The following TBC1D22A variants were observed in gnomAD, a reference collection of about 807,000 sequenced individuals.
TBC1D22A encodes the protein TBC1 domain family member 22A.
A neutral mutation model predicts 60.2 loss-of-function variants in TBC1D22A; 38 were observed. The ratio of observed to expected loss-of-function variants is 0.63; its 90% CI spans 0.49 to 0.83. The LOEUF is 0.83. TBC1D22A is among the 40% of genes least tolerant of loss of function. The pLI is 0.00. For synonymous variants in TBC1D22A, 302 were observed against 281.7 expected, an observed-to-expected ratio of 1.07 and a Z score of -0.72; for missense variants, 628 against 701.0, an observed-to-expected ratio of 0.90 and a Z score of 1.18.
chr22:46,896,619 G>A (rs918502656), intron 7 of TBC1D22A, among the ~76,000 whole-genome samples: 5 of 152,100 alleles, frequency 3.3e-5, no homozygotes, highest in African/African-American at 1.2e-4. Context: ...TGTCACTCCT[G>A]TTTTCTGTCA....
chr22:46,881,683 C>T (rs569268998), intron 5 of TBC1D22A, among the ~76,000 whole-genome samples: 1 of 152,252 alleles, frequency 6.6e-6, no homozygotes, highest in South Asian at 2.1e-4. Flanking sequence ...ACAGGAAGAA[C>T]TGGGAAGGGA....
chr22:46,949,244 G>A (rs2072747120), intron 8 of TBC1D22A, among the ~76,000 whole-genome samples: 2 of 152,244 alleles, frequency 1.3e-5, no homozygotes, highest in African/African-American at 4.8e-5. Flanking sequence ...GAACCACCAT[G>A]AGCATGACAA....
chr22:47,115,332 C>T (rs981237456), intron 12 of TBC1D22A, among the ~76,000 whole-genome samples: 6 of 152,250 alleles, frequency 3.9e-5, no homozygotes, highest in Admixed American at 6.5e-5. Flanking sequence ...CTGCCCTGGG[C>T]GTTTCCTAAT....
At chr22:46,850,554 C>T (rs1161104985) in intron 4 of TBC1D22A, among the ~76,000 whole-genome samples, 1 of 152,118 alleles carries the variant, frequency 6.6e-6, no homozygotes, top group Non-Finnish European at 1.5e-5. Context: ...GTGGAGAAAT[C>T]AGAACTCTTA....
chr22:46,834,710 T>C (rs2086445387), intron 4 of TBC1D22A, among the ~76,000 whole-genome samples: 1 of 152,210 alleles, frequency 6.6e-6, no homozygotes, highest in South Asian at 2.1e-4. Flanking sequence ...TTCTACTAAC[T>C]GCCTTGTGGA....
At chr22:46,786,390 T>A (rs1360255832) in intron 1 of TBC1D22A, among the ~76,000 whole-genome samples, 1 of 152,212 alleles carries the variant, frequency 6.6e-6, no homozygotes, top group Non-Finnish European at 1.5e-5. Flanking sequence ...TAATCCCTTT[T>A]TATGTGTTGT....
At chr22:46,935,123 C>T (rs1171756687) in intron 8 of TBC1D22A, among the ~76,000 whole-genome samples, 1 of 151,966 alleles carries the variant, frequency 6.6e-6, no homozygotes. Context: ...GATATGACTC[C>T]CCAAGCAATG....
At chr22:46,806,703 T>C (rs1223717951) in intron 4 of TBC1D22A, among the ~76,000 whole-genome samples, 2 of 152,160 alleles carry the variant, frequency 1.3e-5, no homozygotes, top group South Asian at 2.1e-4. Context: ...ATAATGTACC[T>C]TTGACTTTCT....
At position 46,797,611 on chromosome 22, in the gene TBC1D22A, A is replaced by G; in HGVS notation, c.628A>G (p.Thr210Ala). ...KFKQLLAGPN[T>A]DLEELRRLSW... is the part of the protein sequence containing the mutation. ...CAAGCAGCTGCTTGCCGGCCCCAAC[A>G]CGGACCTTGGTAAGCACCCTGCCCT... is the stretch of plus-strand genomic sequence containing the variant. Residue 210 changes from threonine (T) to alanine (A), a missense_variant, in exon 4 of 13, where the codon ACG becomes GCG. Physicochemically the swap from Thr to Ala is moderately conservative, Grantham distance 58. Coordinates refer to ENST00000337137, the MANE Select transcript of TBC1D22A (RefSeq NM_014346.5). The G allele has an allele frequency of 1.2e-6, 2 of 1,606,622 alleles. No individual in the cohort carries two copies. Among genetic ancestry groups the G allele is most frequent in the Non-Finnish European group, 1.7e-6 (2 of 1,175,302 alleles).
intron 12 of TBC1D22A, among the ~76,000 whole-genome samples, chr22:47,165,446 A>G (rs902148827): frequency 2.0e-5 from 3 of 152,076 alleles, no homozygotes; most frequent in Non-Finnish European, 4.4e-5. Context: ...TCCCCTCGCC[A>G]TCGCCATCTC....
intron 11 of TBC1D22A, among the ~76,000 whole-genome samples, chr22:47,068,049 T>A (rs924023631): frequency 1.3e-5 from 2 of 152,198 alleles, no homozygotes; most frequent in Admixed American, 1.3e-4. Context: ...TCCACCAGAG[T>A]CCGCGAAAGC....
intron 8 of TBC1D22A, among the ~76,000 whole-genome samples, chr22:46,952,956 G>A (rs2072996357): frequency 6.6e-6 from 1 of 152,120 alleles, no homozygotes; most frequent in Non-Finnish European, 1.5e-5. Flanking sequence ...CTTAGCAGCC[G>A]AGGTCTGTGA....
rs576386832 is a variant in TBC1D22A, at chr22:47,051,550, G to A, written c.1329+14352G>A. Among the ~76,000 whole-genome samples the A allele has an allele frequency of 1.4e-4, 22 of 152,244 alleles. No individual in the cohort carries two copies. The East Asian group carries it at 1.6e-3, about 11-fold the overall frequency. ...TTCTTTGATCTCAAAACGCCCTTCC[G>A]GTGGAGGCCCTGGTGATTCTCCTGG... On this transcript the variant is annotated intron_variant, in intron 11 of 12. Coordinates refer to ENST00000337137, the MANE Select transcript of TBC1D22A (RefSeq NM_014346.5).
intron 4 of TBC1D22A, among the ~76,000 whole-genome samples, chr22:46,836,549 C>T (rs1246137828): frequency 5.9e-5 from 9 of 151,378 alleles, no homozygotes; most frequent in South Asian, 2.1e-4. Context: ...CAACAGAAGA[C>T]GGCAAGAGAG....
intron 12 of TBC1D22A, among the ~76,000 whole-genome samples, chr22:47,143,400 G>C (rs2067177112): frequency 6.6e-6 from 1 of 152,232 alleles, no homozygotes; most frequent in South Asian, 2.1e-4. Context: ...TTTGCAGCCA[G>C]GATTTTACTG....
chr22:46,838,417 G>A (rs1369994741), intron 4 of TBC1D22A, among the ~76,000 whole-genome samples: 2 of 152,120 alleles, frequency 1.3e-5, no homozygotes, highest in Non-Finnish European at 2.9e-5. Context: ...ATCAGTAATC[G>A]GATACATCCC....
chr22:46,769,802 G>A lies in TBC1D22A; in HGVS notation c.62+6954G>A, dbSNP rs780904097. Among the ~76,000 whole-genome samples the A allele has an allele frequency of 8.5e-5, 13 of 152,146 alleles. 1 individual carries two copies. Among genetic ancestry groups the A allele is most frequent in the Non-Finnish European group, 1.6e-4 (11 of 68,022 alleles). On this transcript the variant is annotated intron_variant, in intron 1 of 12. Coordinates refer to ENST00000337137, the MANE Select transcript of TBC1D22A (RefSeq NM_014346.5). ...TCATCCTTGAAGAGAGGGCGAGAGA[G>A]GAAACTGGTGGGCTTCTGAGGAGGC...
At chr22:46,787,124 T>C (rs2084192098) in intron 1 of TBC1D22A, among the ~76,000 whole-genome samples, 3 of 152,242 alleles carry the variant, frequency 2.0e-5, no homozygotes, top group African/African-American at 7.2e-5. Context: ...CAGTTGTTCA[T>C]AATATTCTCA....
intron 1 of TBC1D22A, among the ~76,000 whole-genome samples, chr22:46,783,669 C>A (rs1270639638): frequency 6.6e-6 from 1 of 152,056 alleles, no homozygotes; most frequent in Admixed American, 6.5e-5. Flanking sequence ...TTAAAGGATG[C>A]CACACTGTCA....
Sources: gnomAD v4.1 joint callset for allele counts (sites outside exome capture counted in the v4.1 genomes callset) on GRCh38, gnomAD v4.1.1 for gene constraint, MANE v1.5 for transcripts, NCBI Gene and HGNC (gene_info 2026-07-23, HGNC 2026-07-21) for gene names.